UPF1: variants seen among roughly 807,000 people sequenced by gnomAD.
UPF1 encodes the protein regulator of nonsense transcripts 1.
A neutral mutation model predicts 129.2 loss-of-function variants in UPF1; 9 were observed. The ratio of observed to expected loss-of-function variants is 0.07; its 90% CI spans 0.04 to 0.12. The LOEUF is 0.12. Among genes scored for constraint, UPF1 ranks in the 10% least tolerant of loss-of-function variants. The pLI, the probability that UPF1 is intolerant of heterozygous loss-of-function variation, is 1.00. For missense variants in UPF1, 788 were observed against 1,525.3 expected, an observed-to-expected ratio of 0.52 and a Z score of 8.05; for synonymous variants, 649 against 644.9, an observed-to-expected ratio of 1.01 and a Z score of -0.10.
chr19:18,835,347 CTT>C (rs111301940), intron 1 of UPF1, among the ~76,000 whole-genome samples: 1 of 146,482 alleles, frequency 6.8e-6, no homozygotes, highest in Non-Finnish European at 1.5e-5. Flanking sequence ...CATTTCATTC[CTT>C]TTTTTTTTTT....
rs996042991 is a variant in UPF1 at position 18,850,399 on chromosome 19, C to A, written c.629+157C>A. 6.6e-6 allele frequency among the ~76,000 whole-genome samples: 1 copy of A among 152,220 alleles called. No individual in the cohort carries two copies. The highest frequency in any genetic ancestry group is 1.5e-5 in the Non-Finnish European group (1 of 68,044). On this transcript the variant is annotated intron_variant, in intron 4 of 23. Coordinates refer to ENST00000262803, the MANE Select transcript of UPF1 (RefSeq NM_002911.4). This position sits in a 1 kb window ranked among gnomAD's most constrained non-coding sequence, Gnocchi z 7.1. ...AGGGTGAGGCATGAGAGCGTTTAGG[C>A]GCTGAGGCTTGTTAAGGAGTCGGCA...
At chr19:18,847,954 C>T (rs1440357388) in intron 3 of UPF1, 121 bp downstream of exon 3, 2 of 997,714 alleles carry the variant, frequency 2.0e-6, no homozygotes, top group Non-Finnish European at 3.0e-6. Flanking sequence ...GGGTTTTTTC[C>T]TCCTCTGTGA....
At chr19:18,858,115 A>G (rs1454797227) in intron 15 of UPF1, among the ~76,000 whole-genome samples, 1 of 152,252 alleles carries the variant, frequency 6.6e-6, no homozygotes, top group African/African-American at 2.4e-5. Context: ...CACTGTGACC[A>G]GATAAAATTT....
chr19:18,856,310 C>T lies in UPF1; in HGVS notation c.1824+10C>T, dbSNP rs750097308. 4 of 1,585,134 alleles carry T rather than the reference C, an allele frequency of 2.5e-6. No individual in the cohort carries two copies. Among genetic ancestry groups the T allele is most frequent in the Non-Finnish European group, 8.6e-7 (1 of 1,157,658 alleles). On this transcript the variant is annotated intron_variant, in intron 13 of 23. Coordinates refer to ENST00000262803, the MANE Select transcript of UPF1 (RefSeq NM_002911.4). ...GAGAGAGCTGCTGATGGTGAGTGCC[C>T]CTCCTGCCTGCAAAAGGGCCTGTGG...
chr19:18,833,862 A>G (rs1439476833), intron 1 of UPF1, among the ~76,000 whole-genome samples: 1 of 152,120 alleles, frequency 6.6e-6, no homozygotes, highest in Non-Finnish European at 1.5e-5. Flanking sequence ...TGGGTAGACC[A>G]CCCACTTGGG....
intron 1 of UPF1, among the ~76,000 whole-genome samples, chr19:18,837,741 CCT>C (rs1285249567): frequency 6.6e-6 from 1 of 152,208 alleles, no homozygotes; most frequent in Non-Finnish European, 1.5e-5. Flanking sequence ...GTTCCTTCAT[CCT>C]CAGGTCAGGT....
intron 19 of UPF1, 70 bp downstream of exon 19, chr19:18,863,682 C>T: frequency 7.3e-6 from 11 of 1,503,638 alleles, no homozygotes; most frequent in Non-Finnish European, 9.8e-6. Context: ...GGGAACGTGC[C>T]AGCTTGGCCC....
At chr19:18,844,093 C>T (rs1220305660) in intron 1 of UPF1, among the ~76,000 whole-genome samples, 1 of 152,074 alleles carries the variant, frequency 6.6e-6, no homozygotes, top group Non-Finnish European at 1.5e-5. Flanking sequence ...TGGAGCATGT[C>T]TCTGGGCAGA....
intron 18 of UPF1, 180 bp from the exon 19 acceptor site, chr19:18,863,258 T>G: frequency 1.4e-6 from 1 of 734,120 alleles, no homozygotes; most frequent in East Asian, 2.6e-5. Flanking sequence ...GTGTGCAGGG[T>G]CAGTGGCTTG....
intron 8 of UPF1, among the ~76,000 whole-genome samples, chr19:18,854,038 G>A (rs982351933): frequency 3.3e-5 from 5 of 152,218 alleles, no homozygotes; most frequent in African/African-American, 9.6e-5. Flanking sequence ...ACGTGAGACC[G>A]GTTTTGGGGC....
intron 2 of UPF1, among the ~76,000 whole-genome samples, chr19:18,847,381 C>A (rs1194109930): frequency 2.6e-5 from 4 of 152,146 alleles, no homozygotes; most frequent in Non-Finnish European, 1.5e-5. Flanking sequence ...AGCACAGTGC[C>A]CTCTGCTGGA....
intron 15 of UPF1, among the ~76,000 whole-genome samples, chr19:18,857,956 T>C (rs1412736813): frequency 6.6e-6 from 1 of 152,196 alleles, no homozygotes; most frequent in Non-Finnish European, 1.5e-5. Context: ...TCACCTGCCC[T>C]TTTTCACTCT....
At position 18,865,294 on chromosome 19, in the gene UPF1, C is replaced by T. The variant is rs1216939621; in HGVS notation, c.2863C>T (p.Pro955Ser). ...SVYDRSSQGR[P>S]SSMYFQTHDQ... ...TGTTCCACTGTGATTTGCAGGCCGG[C>T]CTTCCAGCATGTACTTCCAGACCCA... The change falls in exon 21 of 24, where the codon CCT becomes TCT. Residue 955 changes from proline (P) to serine (S), a missense_variant. Pro to Ser is a moderately conservative substitution (Grantham distance 74). Transcript: ENST00000262803. The surrounding 1 kb of genome is among the most constrained non-coding windows in gnomAD (Gnocchi z 6.1). 1.0e-5 allele frequency: 16 copies of T among 1,601,580 alleles called. No homozygotes were observed. Among genetic ancestry groups the T allele is most frequent in the Non-Finnish European group, 1.3e-5 (15 of 1,170,030 alleles).
chr19:18,837,551 C>T (rs994331614), intron 1 of UPF1, among the ~76,000 whole-genome samples: 7 of 152,256 alleles, frequency 4.6e-5, no homozygotes, highest in African/African-American at 1.4e-4. Context: ...GTAAACAAAG[C>T]AGTGTGTACA....
At chr19:18,840,928 G>A (rs967926948) in intron 1 of UPF1, among the ~76,000 whole-genome samples, 4 of 152,186 alleles carry the variant, frequency 2.6e-5, no homozygotes, top group Admixed American at 2.6e-4. Flanking sequence ...TGGCTCGTTG[G>A]GCTCTAGAGA....
intron 17 of UPF1, 117 bp from the exon 18 acceptor site, chr19:18,861,893 G>A (rs530903250): frequency 3.2e-5 from 45 of 1,395,956 alleles, no homozygotes; most frequent in East Asian, 3.2e-4. Flanking sequence ...GTGAGCAGGC[G>A]CCAGGCCCCA....
chr19:18,865,707 C>A lies in UPF1; in HGVS notation c.3166C>A (p.Gln1056Lys). The A allele has an allele frequency of 6.2e-7, 1 of 1,613,694 alleles. No individual in the cohort carries two copies. The highest frequency in any genetic ancestry group is 1.1e-5 in the South Asian group (1 of 91,086). The change falls in exon 22 of 24, where the codon CAG (glutamine) becomes AAG (lysine). Residue 1056 changes from glutamine (Q) to lysine (K), a missense_variant. Transcript: ENST00000262803. The surrounding 1 kb of genome is among the most constrained non-coding windows in gnomAD (Gnocchi z 6.1). ...GCCCTTCTCTCAGGGCGCCCTGACG[C>A]AGGGCTACATCTCCATGAGCCAGCC... ...SQPFSQGALT[Q>K]GYISMSQPSQ...
At chr19:18,852,114 C>G in intron 5 of UPF1, 21 bp from the exon 6 acceptor site, 1 of 1,588,956 alleles carries the variant, frequency 6.3e-7, no homozygotes, top group Non-Finnish European at 8.6e-7. Context: ...ACGAGTGTGG[C>G]GCGGTGTTGT....
At chr19:18,843,282 C>G (rs1215209119) in intron 1 of UPF1, among the ~76,000 whole-genome samples, 1 of 152,200 alleles carries the variant, frequency 6.6e-6, no homozygotes, top group Non-Finnish European at 1.5e-5. Flanking sequence ...AGACAATGCC[C>G]CACGGGGGCC....
Sources: gnomAD v4.1 joint callset for allele counts (sites outside exome capture counted in the v4.1 genomes callset) on GRCh38, gnomAD v4.1.1 for gene constraint, Gnocchi (gnomAD v3.1) non-coding constraint, MANE v1.5 for transcripts, NCBI Gene and HGNC (gene_info 2026-07-23, HGNC 2026-07-21) for gene names.